LMAN2L: variants seen among roughly 807,000 people sequenced by gnomAD.
The protein encoded by LMAN2L is VIP36-like protein.
LMAN2L carries 30 observed loss-of-function variants against 44.3 expected under a neutral mutation model. The ratio of observed to expected loss-of-function variants is 0.68; its 90% confidence interval spans 0.51 to 0.92. The LOEUF (loss-of-function observed/expected upper bound fraction) is 0.92. Among genes scored for constraint, LMAN2L ranks in the 40% least tolerant of loss-of-function variants. The probability of loss-of-function intolerance (pLI) is 0.00; values close to 1 mark genes in which losing one functional copy is unlikely to be tolerated. For synonymous variants in LMAN2L, 183 were observed against 171.1 expected, an observed-to-expected ratio of 1.07 and a Z score of -0.54; for missense variants, 429 against 446.1, an observed-to-expected ratio of 0.96 and a Z score of 0.35.
chr2:96,730,159 T>C (rs1477854906), intron 4 of LMAN2L, among the ~76,000 whole-genome samples: 1 of 152,180 alleles, frequency 6.6e-6, no homozygotes, highest in Non-Finnish European at 1.5e-5. Flanking sequence ...TACTATCTCA[T>C]GGTGAAATGG....
At chr2:96,716,215 T>C (rs1021851248) in intron 4 of LMAN2L, among the ~76,000 whole-genome samples, 21 of 152,186 alleles carry the variant, frequency 1.4e-4, no homozygotes, top group African/African-American at 4.6e-4. Context: ...TAAAATACAA[T>C]AATGACAGAA....
chr2:96,724,086 G>A (rs1248777897), intron 4 of LMAN2L, among the ~76,000 whole-genome samples: 4 of 150,954 alleles, frequency 2.6e-5, no homozygotes, highest in East Asian at 1.9e-4. Context: ...GAGACAGAGC[G>A]AGACTCTGTC....
At position 96,737,954 on chromosome 2, in the gene LMAN2L, G is replaced by A. The variant is rs753651089; in HGVS notation, c.301C>T (p.Arg101Trp). Residue 101 changes from arginine (R) to tryptophan (W), a missense_variant, in exon 2 of 8, where the codon CGG (arginine) becomes TGG (tryptophan). Coordinates refer to ENST00000264963, the MANE Select transcript of LMAN2L (RefSeq NM_030805.4). ...MQSKQGALWN[R>W]VPCFLRDWEL... ...GGAGGGAGAAAGATTCTTACCACCC[G>A]GTTCCACAAGGCACCCTGTTTACTT... 1.7e-5 allele frequency: 28 copies of A among 1,606,614 alleles called. No individual in the cohort carries two copies. In the Middle Eastern group the frequency reaches 4.9e-4, roughly 28 times the overall value.
chr2:96,734,409 C>G lies in LMAN2L; in HGVS notation c.424G>C (p.Gly142Arg), dbSNP rs771832951. ...CAAGAGTAACACAGGCTCCCAATAC[C>G]TGGCTGCATCCGATCCTTTGTGTAC... The part of the protein sequence containing the change: ...IWYTKDRMQP[G>R]PVFGNMDKFV... The change falls in exon 3 of 8, where the codon GGG (glycine) becomes CGG (arginine). Residue 142 changes from glycine (G) to arginine (R), a missense_variant and splice_region_variant. Coordinates refer to ENST00000264963, the MANE Select transcript of LMAN2L (RefSeq NM_030805.4). 3 of 1,578,376 alleles carry G rather than the reference C, an allele frequency of 1.9e-6. No homozygotes were observed.
chr2:96,715,386 T>A (rs1012266393), intron 4 of LMAN2L, among the ~76,000 whole-genome samples: 9 of 152,236 alleles, frequency 5.9e-5, no homozygotes, highest in African/African-American at 1.9e-4. Flanking sequence ...ACTTTTAACC[T>A]CACATTAGTG....
chr2:96,719,582 T>C (rs1256992073), intron 4 of LMAN2L, among the ~76,000 whole-genome samples: 1 of 149,834 alleles, frequency 6.7e-6, no homozygotes, highest in African/African-American at 2.5e-5. Flanking sequence ...ACCGTATCTC[T>C]ACAAAAAAAA....
At chr2:96,727,930 T>C (rs1487834949) in intron 4 of LMAN2L, among the ~76,000 whole-genome samples, 1 of 152,164 alleles carries the variant, frequency 6.6e-6, no homozygotes, top group Non-Finnish European at 1.5e-5. Flanking sequence ...CACTAACAAG[T>C]TCTGTAACCT....
At chr2:96,714,877 G>A (rs1309897508) in intron 4 of LMAN2L, among the ~76,000 whole-genome samples, 5 of 152,178 alleles carry the variant, frequency 3.3e-5, no homozygotes, top group South Asian at 2.1e-4. Context: ...TTAACTGCAC[G>A]TATACATGGG....
intron 6 of LMAN2L, among the ~76,000 whole-genome samples, chr2:96,710,917 G>A (rs1230432467): frequency 6.6e-6 from 1 of 152,178 alleles, no homozygotes; most frequent in Non-Finnish European, 1.5e-5. Context: ...TATGATTGGG[G>A]TTCAAGCAAA....
chr2:96,727,379 C>A (rs997223287), intron 4 of LMAN2L, among the ~76,000 whole-genome samples: 6 of 152,150 alleles, frequency 3.9e-5, no homozygotes, highest in African/African-American at 1.4e-4. Context: ...TGACTGTAAT[C>A]CTAGCACCTT....
chr2:96,715,050 T>C lies in LMAN2L; in HGVS notation c.508-3025A>G, dbSNP rs1293383032. Among the ~76,000 whole-genome samples, 5 of 152,336 alleles carry C rather than the reference T, an allele frequency of 3.3e-5. No individual in the cohort carries two copies. The East Asian group carries it at 9.6e-4, about 29-fold the overall frequency. On this transcript the variant is annotated intron_variant, in intron 4 of 7. Coordinates refer to ENST00000264963, the MANE Select transcript of LMAN2L (RefSeq NM_030805.4). Reference sequence around the variant, plus strand: ...ACCTCCTGGGTTCAAGCAATTCTCCTGCCTCAGCCTTATGAGTAGGTGGGA... The same window carrying C: ...ACCTCCTGGGTTCAAGCAATTCTCCCGCCTCAGCCTTATGAGTAGGTGGGA...
chr2:96,739,962 A>G lies in LMAN2L; in HGVS notation c.79T>C (p.Leu27=), dbSNP rs771000642. The G allele has an allele frequency of 6.2e-7, 1 of 1,613,986 alleles. No individual in the cohort carries two copies. The highest frequency in any genetic ancestry group is 1.1e-5 in the South Asian group (1 of 91,070). ...CLSARDGSRM[L]LLLLLLGSGQ... is the part of the protein sequence containing the mutation. ...GACCCCAACAAAAGAAGAAGGAGTA[A>G]CATCCTGGACCCATCCCGAGCCGAC... Residue 27 remains leucine (L), a synonymous_variant, in exon 1 of 8, where the codon TTA becomes CTA. Coordinates refer to ENST00000264963, the MANE Select transcript of LMAN2L (RefSeq NM_030805.4).
chr2:96,731,110 C>T (rs913339301), intron 4 of LMAN2L, among the ~76,000 whole-genome samples: 2 of 152,182 alleles, frequency 1.3e-5, no homozygotes, highest in African/African-American at 4.8e-5. Flanking sequence ...ACTACTGCCC[C>T]ACTTCAGGTT....
At position 96,731,826 on chromosome 2, in the gene LMAN2L, T is replaced by C. The variant is rs529570876; in HGVS notation, c.507+1693A>G. 1.7e-3 allele frequency among the ~76,000 whole-genome samples: 256 copies of C among 151,116 alleles called. 1 individual carries two copies. The highest frequency in any genetic ancestry group is 5.7e-3 in the African/African-American group (237 of 41,252). On this transcript the variant is annotated intron_variant, in intron 4 of 7. Coordinates refer to ENST00000264963, the MANE Select transcript of LMAN2L (RefSeq NM_030805.4). ...GTGCAGTGGTGTGATCTCAGCTCAC[T>C]GCAACCTCCGCCTCCTGGGTTCAAG...
chr2:96,734,608 G>T, intron 2 of LMAN2L, 82 bp from the exon 3 acceptor site: 2 of 874,600 alleles, frequency 2.3e-6, no homozygotes, highest in Non-Finnish European at 3.9e-6. Context: ...CAACAGACTT[G>T]GAAAACACAA....
intron 4 of LMAN2L, among the ~76,000 whole-genome samples, chr2:96,726,009 G>A (rs1428787041): frequency 6.6e-6 from 1 of 151,798 alleles, no homozygotes; most frequent in African/African-American, 2.4e-5. Context: ...GCACGTGCCT[G>A]TAATCCCAGC....
At chr2:96,729,175 A>AAAAT (rs974573880) in intron 4 of LMAN2L, among the ~76,000 whole-genome samples, 1 of 151,946 alleles carries the variant, frequency 6.6e-6, no homozygotes, top group Non-Finnish European at 1.5e-5. Flanking sequence ...CTGTCTCAAA[A>AAAAT]AAATAAATAA....
intron 6 of LMAN2L, among the ~76,000 whole-genome samples, chr2:96,709,563 T>G (rs1200205759): frequency 6.6e-6 from 1 of 152,226 alleles, no homozygotes; most frequent in Non-Finnish European, 1.5e-5. Context: ...TTTAGCAGAT[T>G]CCCAGGTAGT....
intron 4 of LMAN2L, among the ~76,000 whole-genome samples, chr2:96,727,581 C>T (rs1272820460): frequency 2.0e-5 from 3 of 152,210 alleles, no homozygotes; most frequent in Non-Finnish European, 4.4e-5. Context: ...TCACCCTCTT[C>T]TCAGATGCAT....
Sources: gnomAD v4.1 joint callset for allele counts (sites outside exome capture counted in the v4.1 genomes callset) on GRCh38, gnomAD v4.1.1 for gene constraint, MANE v1.5 for transcripts, NCBI Gene and HGNC (gene_info 2026-07-23, HGNC 2026-07-21) for gene names.